The following CBLL1 variants were observed in gnomAD, a reference collection of about 807,000 sequenced individuals.
CBLL1 encodes Cbl proto-oncogene like 1.
Under a neutral mutation model 44.9 loss-of-function variants are expected in CBLL1, and 4 were observed. That is an observed-to-expected ratio of 0.09 (90% CI 0.04 to 0.20). The LOEUF (loss-of-function observed/expected upper bound fraction) is 0.20. Ranked by LOEUF, CBLL1 falls within the 10% of genes least tolerant of loss-of-function variation. The pLI is 1.00. For synonymous variants in CBLL1, 235 were observed against 202.2 expected (o/e 1.16, Z -1.38); for missense variants, 569 against 636.7 (o/e 0.89, Z 1.14).
intron 2 of CBLL1, 136 bp downstream of exon 2, chr7:107,749,183 A>G (rs1194290204): frequency 2.9e-5 from 18 of 622,116 alleles, no homozygotes; most frequent in Non-Finnish European, 4.3e-5. Flanking sequence ...TTGACTTCTC[A>G]TTGTAGCACA....
In CBLL1 at chr7:107,759,341, T is replaced by A; in HGVS notation, c.*163T>A. 2 of 625,340 alleles carry A rather than the reference T, an allele frequency of 3.2e-6. No homozygotes were observed. The highest frequency in any genetic ancestry group is 2.1e-5 in the South Asian group (1 of 47,496). The allele number at this position is 625,340 out of a possible 1,614,324, so 38.7% of individuals were successfully genotyped here. A position where few individuals can be genotyped will look rare whatever the true frequency, so the allele number is the denominator to read the frequency against. ...TGGTTTTAAATCTTGACCTTAAGAT[T>A]GATTTCAAGTACCATACTGTAGTAC... On this transcript the variant is annotated 3_prime_UTR_variant, in exon 6 of 6. Coordinates refer to ENST00000440859, the MANE Select transcript of CBLL1 (RefSeq NM_024814.4).
rs1403325508 is a variant in CBLL1, at chr7:107,761,357, AAGAAATCTATGTTATGCAGGGAGGC to A, written c.*2181_*2205del. ...AAATGATTTATTTTCAATTAGGTTTAAGAAATCTATGTTATGCAGGGAGGCATATCAGATGAATGTTGTAGCAGAC... is the reference window on the plus strand; with the variant it reads ...AAATGATTTATTTTCAATTAGGTTTAATATCAGATGAATGTTGTAGCAGAC... On this transcript the variant is annotated 3_prime_UTR_variant, in exon 6 of 6. Coordinates refer to ENST00000440859, the MANE Select transcript of CBLL1 (RefSeq NM_024814.4). 10 of 152,314 alleles carry A rather than the reference AAGAAATCTATGTTATGCAGGGAGGC, an allele frequency of 6.6e-5. No individual in the cohort carries two copies. The highest frequency in any genetic ancestry group is 2.4e-4 in the African/African-American group (10 of 41,588). The allele number at this position is 152,314 out of a possible 1,614,324, so 9.4% of individuals were successfully genotyped here.
At chr7:107,755,574 G>T (rs1793494964) in intron 5 of CBLL1, 83 bp downstream of exon 5, 1 of 706,804 alleles carries the variant, frequency 1.4e-6, no homozygotes, top group South Asian at 2.8e-5. Flanking sequence ...GTTAGGGAGT[G>T]ATGTAAATCA....
At chr7:107,745,346 G>C (rs1372980549) in intron 1 of CBLL1, among the ~76,000 whole-genome samples, 1 of 152,124 alleles carries the variant, frequency 6.6e-6, no homozygotes, top group Non-Finnish European at 1.5e-5. Context: ...ACCCAGCCCT[G>C]GGAAAAAAGC....
chr7:107,755,360 T>A, intron 4 of CBLL1, 58 bp from the exon 5 acceptor site: 1 of 863,996 alleles, frequency 1.2e-6, no homozygotes, highest in East Asian at 3.2e-5. Context: ...TATATATATA[T>A]ATTTTAAAAA....
intron 2 of CBLL1, among the ~76,000 whole-genome samples, chr7:107,751,752 G>A (rs1452822807): frequency 1.3e-5 from 2 of 152,066 alleles, no homozygotes; most frequent in Non-Finnish European, 2.9e-5. Flanking sequence ...CTCGGATTTT[G>A]GAGTAAAATA....
chr7:107,754,531 A>G (rs570195888), intron 4 of CBLL1, among the ~76,000 whole-genome samples: 3 of 152,310 alleles, frequency 2.0e-5, no homozygotes, highest in East Asian at 3.9e-4. Context: ...AAAAAATTGA[A>G]TTCAATAACA....
Position 107,758,488 on chromosome 7 carries a change from T to A in CBLL1, c.786T>A (p.Ala262=), listed in dbSNP as rs748451910. 2 of 1,613,998 alleles carry A rather than the reference T, an allele frequency of 1.2e-6. No homozygotes were observed. Among genetic ancestry groups the A allele is most frequent in the African/African-American group, 2.7e-5 (2 of 74,904 alleles). Residue 262 remains alanine (A), a synonymous_variant, in exon 6 of 6, where the codon GCT becomes GCA. Transcript: ENST00000440859. The surrounding 1 kb of genome is among the most constrained non-coding windows in gnomAD (Gnocchi z 4.2). The part of the protein sequence containing the change: ...HYNQPHEDIR[A]PPAELSMAPP... ...ATCAGCCACATGAGGATATTCGTGC[T>A]CCTCCAGCAGAATTGTCCATGGCTC... is the stretch of plus-strand genomic sequence containing the variant.
chr7:107,747,470 A>G (rs1793073089), intron 1 of CBLL1, among the ~76,000 whole-genome samples: 1 of 152,244 alleles, frequency 6.6e-6, no homozygotes, highest in Non-Finnish European at 1.5e-5. Context: ...AAAGTCATTC[A>G]TATTTCTTTT....
In CBLL1 at chr7:107,759,286, A is replaced by G. The variant is rs1208598500; in HGVS notation, c.*108A>G. ...GAAGAGTACCTCTTATCGAGGTAGT[A>G]TAAAACACATAGGGTCTTGTTTCTT... On this transcript the variant is annotated 3_prime_UTR_variant, in exon 6 of 6. Transcript: ENST00000440859. 1.1e-6 allele frequency: 1 copy of G among 905,970 alleles called. No homozygotes were observed. Among genetic ancestry groups the G allele is most frequent in the Non-Finnish European group, 1.7e-6 (1 of 600,428 alleles). The allele number at this position is 905,970 out of a possible 1,614,324, so 56.1% of individuals were successfully genotyped here. A position where few individuals can be genotyped will look rare whatever the true frequency, so the allele number is the denominator to read the frequency against.
Position 107,758,632 on chromosome 7 carries a change from T to A in CBLL1, c.930T>A (p.Pro310=). Residue 310 remains proline (P), a synonymous_variant, in exon 6 of 6, where the codon CCT becomes CCA. Transcript: ENST00000440859. This position sits in a 1 kb window ranked among gnomAD's most constrained non-coding sequence, Gnocchi z 4.2. The stretch of plus-strand genomic sequence containing the variant: ...ATTCAGGTGCTAGAGAACCACCACC[T>A]CCTGCCCCAGCACCTGCTCACCATC... ...DSNSGAREPP[P]PAPAPAHHHP... 1 of 1,613,978 alleles carries A rather than the reference T, an allele frequency of 6.2e-7. No individual in the cohort carries two copies. The highest frequency in any genetic ancestry group is 1.1e-5 in the South Asian group (1 of 91,072).
intron 1 of CBLL1, among the ~76,000 whole-genome samples, chr7:107,745,082 C>G (rs1792944166): frequency 6.6e-6 from 1 of 152,188 alleles, no homozygotes; most frequent in Non-Finnish European, 1.5e-5. Context: ...ATGCAAGATA[C>G]ATGCAGATAT....
Position 107,761,456 on chromosome 7 carries a change from G to C in CBLL1, c.*2278G>C, listed in dbSNP as rs1265115106. Reference sequence around the variant, plus strand: ...TTGAATTCATCAATTGTTTGAATGAGGGTGGGTGGGTAGAAGGATAACAAA... The same window carrying C: ...TTGAATTCATCAATTGTTTGAATGACGGTGGGTGGGTAGAAGGATAACAAA... On this transcript the variant is annotated 3_prime_UTR_variant, in exon 6 of 6. Coordinates refer to ENST00000440859, the MANE Select transcript of CBLL1 (RefSeq NM_024814.4). 4 of 152,124 alleles carry C rather than the reference G, an allele frequency of 2.6e-5. No individual in the cohort carries two copies. In the East Asian group the frequency reaches 7.5e-4, roughly 29 times the overall value. The allele number at this position is 152,124 out of a possible 1,614,324, so 9.4% of individuals were successfully genotyped here.
intron 2 of CBLL1, among the ~76,000 whole-genome samples, chr7:107,750,040 G>T (rs1015197093): frequency 2.6e-5 from 4 of 151,828 alleles, no homozygotes; most frequent in Non-Finnish European, 5.9e-5. Flanking sequence ...GATATTCCAG[G>T]CTCAAGTGAT....
intron 2 of CBLL1, among the ~76,000 whole-genome samples, chr7:107,751,640 GT>G (rs1411405509): frequency 6.6e-6 from 1 of 152,038 alleles, no homozygotes; most frequent in Non-Finnish European, 1.5e-5. Flanking sequence ...CTTTGGCTTT[GT>G]TTAAAAAAAT....
At chr7:107,750,757 G>C (rs868705232) in intron 2 of CBLL1, among the ~76,000 whole-genome samples, 25 of 152,210 alleles carry the variant, frequency 1.6e-4, no homozygotes, top group Middle Eastern at 3.4e-3. Context: ...GCCAAATGTA[G>C]CCCTGTTTTT....
intron 1 of CBLL1, 194 bp downstream of exon 1, chr7:107,744,370 T>C: frequency 4.8e-6 from 3 of 618,688 alleles, no homozygotes; most frequent in Non-Finnish European, 5.2e-6. Flanking sequence ...GTGTGGTACC[T>C]ACCTCCTCCG....
At chr7:107,757,735 A>C (rs1793591947) in intron 5 of CBLL1, among the ~76,000 whole-genome samples, 1 of 152,228 alleles carries the variant, frequency 6.6e-6, no homozygotes, top group Non-Finnish European at 1.5e-5. Flanking sequence ...TATTTGCTCA[A>C]CAAACAGTTA....
At chr7:107,753,267 A>G (rs1366751945) in intron 2 of CBLL1, 144 bp from the exon 3 acceptor site, 1 of 558,754 alleles carries the variant, frequency 1.8e-6, no homozygotes, top group Non-Finnish European at 3.2e-6. Flanking sequence ...TTTTAAAGTA[A>G]TCTTGATTGT....
Sources: gnomAD v4.1 joint callset for allele counts (sites outside exome capture counted in the v4.1 genomes callset) on GRCh38, gnomAD v4.1.1 for gene constraint, Gnocchi (gnomAD v3.1) non-coding constraint, MANE v1.5 for transcripts, NCBI Gene and HGNC (gene_info 2026-07-23, HGNC 2026-07-21) for gene names.